GRM7: variants seen among roughly 807,000 people sequenced by gnomAD.
GRM7 encodes the protein glutamate metabotropic receptor 7.
Under a neutral mutation model 84.5 loss-of-function variants are expected in GRM7, and 35 were observed. That is an observed-to-expected ratio of 0.41 (90% confidence interval 0.32 to 0.55). The LOEUF (loss-of-function observed/expected upper bound fraction) is 0.55. Ranked by LOEUF, GRM7 falls within the 20% of genes least tolerant of loss-of-function variation. GRM7 has a pLI of 0.19. For missense variants in GRM7, 1,003 were observed against 1,194.6 expected (o/e 0.84, Z 2.36); for synonymous variants, 487 against 455.1 (o/e 1.07, Z -0.89).
chr3:6,885,486 G>A (rs182730166), intron 1 of GRM7, among the ~76,000 whole-genome samples: 22,395 of 152,112 alleles, frequency 0.15, 1,817 homozygotes, highest in Non-Finnish European at 0.19. Flanking sequence ...ACATTGGTGG[G>A]AGTGTCTTAT....
intron 7 of GRM7, among the ~76,000 whole-genome samples, chr3:7,503,557 T>C (rs890398812): frequency 1.3e-5 from 2 of 152,188 alleles, no homozygotes; most frequent in African/African-American, 2.4e-5. Context: ...TCGATTCTGC[T>C]GAAAACAGTA....
chr3:7,628,323 A>C (rs1455244494), intron 8 of GRM7, among the ~76,000 whole-genome samples: 1 of 152,120 alleles, frequency 6.6e-6, no homozygotes, highest in African/African-American at 2.4e-5. Context: ...AGCCTTCATT[A>C]TATTTCACAG....
chr3:7,405,247 A>G (rs942513732), intron 4 of GRM7, among the ~76,000 whole-genome samples: 1 of 152,194 alleles, frequency 6.6e-6, no homozygotes, highest in Non-Finnish European at 1.5e-5. Flanking sequence ...GTATGTTTTA[A>G]AAAGTCAGAA....
intron 1 of GRM7, among the ~76,000 whole-genome samples, chr3:7,057,485 T>C (rs1697269631): frequency 6.6e-6 from 1 of 151,964 alleles, no homozygotes; most frequent in Non-Finnish European, 1.5e-5. Flanking sequence ...CCTAAACAAA[T>C]AATTTTCATC....
intron 9 of GRM7, among the ~76,000 whole-genome samples, chr3:7,718,731 G>C (rs1276632827): frequency 6.6e-6 from 1 of 152,132 alleles, no homozygotes; most frequent in Non-Finnish European, 1.5e-5. Context: ...TCCTAGTTGG[G>C]AGGTGGTTGA....
intron 9 of GRM7, among the ~76,000 whole-genome samples, chr3:7,721,642 A>T (rs1559505542): frequency 1.3e-5 from 2 of 152,224 alleles, no homozygotes; most frequent in Admixed American, 1.3e-4. Flanking sequence ...AAAATGAATA[A>T]AATATATAAA....
chr3:6,889,565 C>A lies in GRM7; in HGVS notation c.519+27658C>A, dbSNP rs1217932490. Among the ~76,000 whole-genome samples, 4 of 152,190 alleles carry A rather than the reference C, an allele frequency of 2.6e-5. No homozygotes were observed. The East Asian group carries it at 7.7e-4, about 29-fold the overall frequency. On this transcript the variant is annotated intron_variant, in intron 1 of 9. Transcript: ENST00000357716. ...ATTTGCATATATTGAACCAGCCTTGCATCCCAGGGATGAAGCCCACTTAAT... is the reference window on the plus strand; with the variant it reads ...ATTTGCATATATTGAACCAGCCTTGAATCCCAGGGATGAAGCCCACTTAAT...
In GRM7 at chr3:7,429,678, C is replaced by T. The variant is rs928448941; in HGVS notation, c.1174+14515C>T. Reference sequence around the variant, plus strand: ...CTCGGAGGTTTGTTAAGTGGCTTGCCGAAAAGTCACTTGGCTAGCATCTGG... The same window carrying T: ...CTCGGAGGTTTGTTAAGTGGCTTGCTGAAAAGTCACTTGGCTAGCATCTGG... On this transcript the variant is annotated intron_variant, in intron 5 of 9. Coordinates refer to ENST00000357716, the MANE Select transcript of GRM7 (RefSeq NM_000844.4). Among the ~76,000 whole-genome samples the T allele has an allele frequency of 3.7e-4, 56 of 151,726 alleles. 1 individual carries two copies. Among genetic ancestry groups the T allele is most frequent in the Admixed American group, 3.4e-3 (52 of 15,208 alleles).
chr3:6,998,365 G>C (rs1011515637), intron 1 of GRM7, among the ~76,000 whole-genome samples: 2 of 152,158 alleles, frequency 1.3e-5, no homozygotes, highest in African/African-American at 4.8e-5. Flanking sequence ...TGGCCCTGTG[G>C]CTTGGCAGGG....
intron 7 of GRM7, among the ~76,000 whole-genome samples, chr3:7,561,837 A>G (rs1403368416): frequency 6.6e-6 from 1 of 152,168 alleles, no homozygotes; most frequent in Non-Finnish European, 1.5e-5. Context: ...ATATTCATGT[A>G]AAATAGACAT....
intron 9 of GRM7, among the ~76,000 whole-genome samples, chr3:7,688,393 T>G (rs1370169485): frequency 6.6e-6 from 1 of 152,140 alleles, no homozygotes; most frequent in African/African-American, 2.4e-5. Context: ...GGGCTTTTAT[T>G]AGTTTATTAT....
intron 1 of GRM7, among the ~76,000 whole-genome samples, chr3:6,959,208 G>A (rs1413724673): frequency 6.6e-6 from 1 of 152,170 alleles, no homozygotes; most frequent in Non-Finnish European, 1.5e-5. Context: ...AGGAAGAAAG[G>A]AAAGCTTAGA....
chr3:7,692,604 T>C (rs1700848957), intron 9 of GRM7, among the ~76,000 whole-genome samples: 1 of 152,170 alleles, frequency 6.6e-6, no homozygotes, highest in Non-Finnish European at 1.5e-5. Context: ...ATTTTCACCA[T>C]ATTTTCACTA....
intron 1 of GRM7, among the ~76,000 whole-genome samples, chr3:6,954,741 T>C (rs1692954125): frequency 6.6e-6 from 1 of 152,210 alleles, no homozygotes; most frequent in African/African-American, 2.4e-5. Context: ...CATTCCTTCA[T>C]AGAAACATTA....
At chr3:7,205,843 G>A (rs1224746413) in intron 2 of GRM7, among the ~76,000 whole-genome samples, 1 of 152,176 alleles carries the variant, frequency 6.6e-6, no homozygotes, top group East Asian at 1.9e-4. Context: ...ATGGAGGGAA[G>A]ACCCCTTTGA....
chr3:7,147,763 A>G (rs993492018), intron 2 of GRM7, among the ~76,000 whole-genome samples: 1 of 152,210 alleles, frequency 6.6e-6, no homozygotes, highest in African/African-American at 2.4e-5. Flanking sequence ...ATCTGTGAAG[A>G]TCTGTGAGAT....
At chr3:6,974,359 G>T (rs1410832281) in intron 1 of GRM7, among the ~76,000 whole-genome samples, 5 of 152,092 alleles carry the variant, frequency 3.3e-5, no homozygotes, top group Non-Finnish European at 7.3e-5. Context: ...GGGTTCTGGG[G>T]GTCCAATTGA....
At chr3:6,913,814 G>C (rs879283315) in intron 1 of GRM7, among the ~76,000 whole-genome samples, 4 of 152,142 alleles carry the variant, frequency 2.6e-5, no homozygotes, top group Non-Finnish European at 5.9e-5. Flanking sequence ...TAGATAGATA[G>C]ACAACCAGAC....
chr3:7,693,992 C>T (rs1038557315), intron 9 of GRM7, among the ~76,000 whole-genome samples: 3 of 152,270 alleles, frequency 2.0e-5, no homozygotes, highest in South Asian at 2.1e-4. Flanking sequence ...TGATGCAATA[C>T]TGAAAAGCCA....
Sources: allele counts gnomAD v4.1 joint callset (sites outside exome capture counted in the v4.1 genomes callset), GRCh38; gene constraint gnomAD v4.1.1; transcripts MANE v1.5; gene names NCBI Gene and HGNC (gene_info 2026-07-23, HGNC 2026-07-21).